The following RASSF3 variants were observed in gnomAD, a reference collection of about 807,000 sequenced individuals.
RASSF3 encodes ras association domain-containing protein 3.
A neutral mutation model predicts 19.9 loss-of-function variants in RASSF3; 19 were observed. That is an observed-to-expected ratio of 0.96 (90% CI 0.67 to 1.40). The LOEUF (loss-of-function observed/expected upper bound fraction) is 1.40. RASSF3 is among the 40% of genes most tolerant of loss of function. The probability of loss-of-function intolerance (pLI) is 0.00; values close to 1 mark genes in which losing one functional copy is unlikely to be tolerated. For synonymous variants in RASSF3, 110 were observed against 104.2 expected, an observed-to-expected ratio of 1.06 and a Z score of -0.34; for missense variants, 306 against 289.8, an observed-to-expected ratio of 1.06 and a Z score of -0.41.
intron 2 of RASSF3, among the ~76,000 whole-genome samples, chr12:64,604,005 G>A (rs953196748): frequency 1.3e-5 from 2 of 151,992 alleles, no homozygotes; most frequent in Non-Finnish European, 2.9e-5. Context: ...ACGCCACCAC[G>A]CCCAGCTCAT....
chr12:64,559,898 A>C (rs1408306545), intron 2 of RASSF3, among the ~76,000 whole-genome samples: 2 of 151,950 alleles, frequency 1.3e-5, no homozygotes, highest in African/African-American at 4.8e-5. Flanking sequence ...TTTTTTCCCT[A>C]TCAGGCCCAG....
Position 64,694,955 on chromosome 12 carries a change from A to G in RASSF3, c.*43A>G, listed in dbSNP as rs748759132. On this transcript the variant is annotated 3_prime_UTR_variant, in exon 5 of 5. Transcript: ENST00000542104. ...GTGAGGCCCGGTGCAGGACCGATGTACAAAACAGCAGCAAGTGCCTCTCTT... is the reference window on the plus strand; with the variant it reads ...GTGAGGCCCGGTGCAGGACCGATGTGCAAAACAGCAGCAAGTGCCTCTCTT... 5.6e-6 allele frequency: 9 copies of G among 1,597,734 alleles called. No homozygotes were observed. The Admixed American group carries it at 6.9e-5, about 12-fold the overall frequency.
Position 64,688,427 on chromosome 12 carries a change from A to G in RASSF3, c.431A>G (p.Tyr144Cys), listed in dbSNP as rs780762544. 2 of 1,613,970 alleles carry G rather than the reference A, an allele frequency of 1.2e-6. No homozygotes were observed. The highest frequency in any genetic ancestry group is 1.7e-6 in the Non-Finnish European group (2 of 1,179,938). Residue 144 changes from tyrosine (Y) to cysteine (C), a missense_variant, in exon 3 of 5, where the codon TAT becomes TGT. Physicochemically the swap from Tyr to Cys is radical, Grantham distance 194. Transcript: ENST00000542104. Reference sequence around the variant, plus strand: ...GAGAGCCCTGCCAAGTTTGCACTTTATAAGCGTTGTCACAGGGAAGACCAA... The same window carrying G: ...GAGAGCCCTGCCAAGTTTGCACTTTGTAAGCGTTGTCACAGGGAAGACCAA... ...VTESPAKFAL[Y>C]KRCHREDQVY...
At chr12:64,655,125 A>C (rs922650948) in intron 1 of RASSF3, 2 of 152,236 alleles carry the variant, frequency 1.3e-5, no homozygotes, top group African/African-American at 4.8e-5. Context: ...GTTTTCCTCT[A>C]AGCTGCACTG....
upstream of RASSF3, among the ~76,000 whole-genome samples, chr12:64,529,298 T>G (rs1231679938): frequency 1.3e-5 from 2 of 152,206 alleles, no homozygotes; most frequent in South Asian, 2.1e-4. Context: ...ATTATTACTG[T>G]TTTTTAAGGG....
At chr12:64,534,103 T>C (rs1868772566) in intron 1 of RASSF3, among the ~76,000 whole-genome samples, 1 of 151,418 alleles carries the variant, frequency 6.6e-6, no homozygotes, top group Non-Finnish European at 1.5e-5. Context: ...TAAAAAAATT[T>C]TGTTTTAATT....
intron 2 of RASSF3, among the ~76,000 whole-genome samples, chr12:64,566,780 C>T (rs192497123): frequency 6.6e-6 from 1 of 152,298 alleles, no homozygotes; most frequent in African/African-American, 2.4e-5. Flanking sequence ...TTACTTTCCT[C>T]ACCATTCTAC....
chr12:64,595,064 C>CTTTTTTTTTTTTTTTTTTTTTTTTTTTT (rs1171762487), intron 2 of RASSF3, among the ~76,000 whole-genome samples: 1 of 90,950 alleles, frequency 1.1e-5, no homozygotes, highest in Non-Finnish European at 2.0e-5. Flanking sequence ...CATATGAAAT[C>CTTTTTTTTTTTTTTTTTTTTTTTTTTTT]TTTTTTTTTT....
chr12:64,686,871 GGGAA>G (rs1375761151), intron 2 of RASSF3, among the ~76,000 whole-genome samples: 1 of 152,126 alleles, frequency 6.6e-6, no homozygotes, highest in East Asian at 1.9e-4. Context: ...TTGATCTTGT[GGGAA>G]GGAAGAAAAA....
intron 2 of RASSF3, 62 bp downstream of exon 2, chr12:64,684,956 A>T (rs567965220): frequency 2.1e-6 from 2 of 949,396 alleles, no homozygotes; most frequent in African/African-American, 3.2e-5. Flanking sequence ...AATTGTTGGT[A>T]CTACAATCTA....
chr12:64,689,839 G>A (rs1868256474), intron 3 of RASSF3, among the ~76,000 whole-genome samples: 1 of 123,792 alleles, frequency 8.1e-6, no homozygotes, highest in Non-Finnish European at 1.6e-5. Flanking sequence ...CAGGCTGGAG[G>A]TGCAGTGGCG....
chr12:64,559,794 T>A (rs980977943), intron 2 of RASSF3, among the ~76,000 whole-genome samples: 1 of 152,252 alleles, frequency 6.6e-6, no homozygotes, highest in African/African-American at 2.4e-5. Context: ...TCTTACTTTC[T>A]AGTCTCCTTG....
intron 2 of RASSF3, among the ~76,000 whole-genome samples, chr12:64,584,523 A>AT (rs1869760620): frequency 6.6e-6 from 1 of 150,822 alleles, no homozygotes; most frequent in Admixed American, 6.6e-5. Flanking sequence ...AAAAAAAAAA[A>AT]GCTAAAGAAA....
chr12:64,671,995 A>G (rs558887232), intron 1 of RASSF3, among the ~76,000 whole-genome samples: 1 of 152,330 alleles, frequency 6.6e-6, no homozygotes, highest in South Asian at 2.1e-4. Context: ...AGAGTGACAT[A>G]AAATAGTTTA....
At chr12:64,600,354 TC>T (rs993712264) in intron 2 of RASSF3, among the ~76,000 whole-genome samples, 2 of 151,908 alleles carry the variant, frequency 1.3e-5, no homozygotes, top group Non-Finnish European at 2.9e-5. Context: ...CAGGTTTTTG[TC>T]CCCCCTGTGG....
intron 2 of RASSF3, among the ~76,000 whole-genome samples, chr12:64,561,256 G>A (rs1281722938): frequency 6.6e-6 from 1 of 152,166 alleles, no homozygotes; most frequent in Non-Finnish European, 1.5e-5. Flanking sequence ...GTGAGTCATA[G>A]TATAAGGAAG....
chr12:64,554,655 A>G lies in RASSF3; in HGVS notation c.294+12950A>G, dbSNP rs75451158. 5.5e-3 allele frequency among the ~76,000 whole-genome samples: 835 copies of G among 152,318 alleles called. 7 individuals are homozygous for G. The highest frequency in any genetic ancestry group is 0.019 in the African/African-American group (781 of 41,572). On this transcript the variant is annotated intron_variant, in intron 2 of 5. Transcript: ENST00000637125. ...GAAAAGGATCAGAGACTGAGAGTAC[A>G]GACAATTCTTTCAAGGAATTTTGCT...
In RASSF3 at chr12:64,621,928, G is replaced by A. The variant is rs117893578; in HGVS notation, c.111+11185G>A. On this transcript the variant is annotated intron_variant, in intron 1 of 4. Coordinates refer to ENST00000542104, the MANE Select transcript of RASSF3 (RefSeq NM_178169.4). ...GGATTCAGAAGGTGGGGAGTTGGGT[G>A]ATGTGTTTTCTACTAACCATGTGTT... Among the ~76,000 whole-genome samples the A allele has an allele frequency of 4.7e-4, 71 of 152,146 alleles. No homozygotes were observed. In the East Asian group the frequency reaches 9.8e-3, roughly 21 times the overall value.
chr12:64,623,732 T>C (rs1322240863), intron 1 of RASSF3, among the ~76,000 whole-genome samples: 1 of 151,980 alleles, frequency 6.6e-6, no homozygotes, highest in African/African-American at 2.4e-5. Flanking sequence ...AGCTTCTGCT[T>C]CCCAGGTTCA....
Sources: gnomAD v4.1 joint callset for allele counts (sites outside exome capture counted in the v4.1 genomes callset) on GRCh38, gnomAD v4.1.1 for gene constraint, MANE v1.5 for transcripts, NCBI Gene and HGNC (gene_info 2026-07-23, HGNC 2026-07-21) for gene names.